Variants in SLC4A4 observed in about 807,000 individuals in gnomAD.
The protein encoded by SLC4A4 is electrogenic sodium bicarbonate cotransporter 1.
SLC4A4 carries 27 observed loss-of-function variants against 111.5 expected under a neutral mutation model. The observed-to-expected ratio is 0.24, with a 90% CI of 0.18 to 0.33. SLC4A4 has a LOEUF of 0.33. Among genes scored for constraint, SLC4A4 ranks in the 10% least tolerant of loss-of-function variants. SLC4A4 has a pLI of 1.00. For synonymous variants in SLC4A4, 443 were observed against 463.4 expected, an observed-to-expected ratio of 0.96 and a Z score of 0.57; for missense variants, 909 against 1,315.5, an observed-to-expected ratio of 0.69 and a Z score of 4.78.
intron 2 of SLC4A4, among the ~76,000 whole-genome samples, chr4:71,121,706 A>G (rs1196077480): frequency 6.6e-6 from 1 of 152,238 alleles, no homozygotes; most frequent in Non-Finnish European, 1.5e-5. Flanking sequence ...TGGACCAATC[A>G]GCAAGATGTG....
At chr4:71,437,590 G>C in intron 7 of SLC4A4, 1 of 522,026 alleles carries the variant, frequency 1.9e-6, no homozygotes, top group Non-Finnish European at 3.9e-6. Context: ...TTGAAGATCC[G>C]TTGTCTCACC....
intron 14 of SLC4A4, among the ~76,000 whole-genome samples, chr4:71,481,536 C>A (rs1482082696): frequency 6.6e-6 from 1 of 151,718 alleles, no homozygotes; most frequent in African/African-American, 2.4e-5. Context: ...ATACTTGATC[C>A]ACTTGTTCTT....
chr4:71,499,791 A>G (rs1038110072), intron 16 of SLC4A4, among the ~76,000 whole-genome samples: 1 of 152,138 alleles, frequency 6.6e-6, no homozygotes, highest in African/African-American at 2.4e-5. Flanking sequence ...ATAGTATTCC[A>G]CTGTTTATAT....
intron 17 of SLC4A4, 49 bp from the exon 18 acceptor site, chr4:71,534,178 A>G (rs772369846): frequency 1.3e-6 from 2 of 1,561,956 alleles, no homozygotes; most frequent in Non-Finnish European, 1.8e-6. Flanking sequence ...ACCAAATAGT[A>G]TATATTAACC....
intron 2 of SLC4A4, among the ~76,000 whole-genome samples, chr4:71,098,071 C>T (rs1209936752): frequency 6.6e-6 from 1 of 152,058 alleles, no homozygotes; most frequent in Non-Finnish European, 1.5e-5. Context: ...GTGATGGCTT[C>T]TGGCATCTTT....
chr4:71,162,051 C>T (rs1253875663), intron 2 of SLC4A4, among the ~76,000 whole-genome samples: 3 of 152,152 alleles, frequency 2.0e-5, no homozygotes, highest in African/African-American at 7.2e-5. Context: ...TCATGCCAAG[C>T]AGTGGCCTTA....
intron 3 of SLC4A4, among the ~76,000 whole-genome samples, chr4:71,303,579 A>G (rs948029602): frequency 2.0e-5 from 3 of 152,188 alleles, no homozygotes; most frequent in Non-Finnish European, 4.4e-5. Flanking sequence ...TGTTAGGATG[A>G]GCAGAAAGAA....
chr4:71,308,712 C>T (rs997770700), intron 3 of SLC4A4, among the ~76,000 whole-genome samples: 8 of 152,126 alleles, frequency 5.3e-5, no homozygotes, highest in Non-Finnish European at 7.4e-5. Flanking sequence ...TTTTGCAATC[C>T]GCAGACCAGG....
chr4:71,456,693 G>C (rs1056840999), intron 12 of SLC4A4, among the ~76,000 whole-genome samples: 1 of 152,136 alleles, frequency 6.6e-6, no homozygotes, highest in Admixed American at 6.6e-5. Context: ...AAAGATAGAT[G>C]AGCAAAATAG....
At chr4:71,503,940 A>C (rs533157217) in intron 16 of SLC4A4, among the ~76,000 whole-genome samples, 2 of 152,266 alleles carry the variant, frequency 1.3e-5, no homozygotes, top group East Asian at 3.9e-4. Flanking sequence ...GGTATTGGCT[A>C]ACAGTTGGTT....
At chr4:71,092,955 C>A (rs997677773) in intron 2 of SLC4A4, among the ~76,000 whole-genome samples, 17 of 151,804 alleles carry the variant, frequency 1.1e-4, no homozygotes, top group Non-Finnish European at 2.2e-4. Context: ...ATTAGCTGGG[C>A]GTGGTGGCGT....
intron 3 of SLC4A4, among the ~76,000 whole-genome samples, chr4:71,278,013 A>G (rs781092015): frequency 1.3e-5 from 2 of 152,200 alleles, no homozygotes; most frequent in Non-Finnish European, 2.9e-5. Flanking sequence ...ATTGTTAACT[A>G]TAGTCACCAT....
chr4:71,308,624 G>C (rs900512285), intron 3 of SLC4A4, among the ~76,000 whole-genome samples: 36 of 151,832 alleles, frequency 2.4e-4, no homozygotes, highest in Admixed American at 2.4e-3. Flanking sequence ...GCAAGGGGCC[G>C]GGGGACTCCC....
rs187465669 is a variant in SLC4A4 at position 71,466,717 on chromosome 4, G to C, written c.1631+140G>C. ...GAATGTTCAGATGTGAGAGGTGAAA[G>C]GGCCTTAGCAATTAGGTAGTCACCA... On this transcript the variant is annotated intron_variant, in intron 13 of 25. Coordinates refer to ENST00000264485, the MANE Select transcript of SLC4A4 (RefSeq NM_001098484.3). 3,295 of 865,110 alleles carry C rather than the reference G, an allele frequency of 3.8e-3. 12 individuals are homozygous for C. Among genetic ancestry groups the C allele is most frequent in the Non-Finnish European group, 4.5e-3 (2,462 of 550,402 alleles). The allele number at this position is 865,110 out of a possible 1,614,324, so 53.6% of individuals were successfully genotyped here. A position where few individuals can be genotyped will look rare whatever the true frequency, so the allele number is the denominator to read the frequency against.
Position 71,357,970 on chromosome 4 carries a change from G to A in SLC4A4, c.730+783G>A, listed in dbSNP as rs549206789. Among the ~76,000 whole-genome samples the A allele has an allele frequency of 5.3e-5, 8 of 152,204 alleles. 1 individual carries two copies. In the East Asian group the frequency reaches 1.2e-3, roughly 22 times the overall value. ...TGAAGGAAAGAACTACTAAGCATTG[G>A]CTGATAGGATTAGGTCTATCCTCCC... is the stretch of plus-strand genomic sequence containing the variant. On this transcript the variant is annotated intron_variant, in intron 6 of 25. Transcript: ENST00000264485.
At position 71,116,243 on chromosome 4, in the gene SLC4A4, T is replaced by A. The variant is rs1578494834; in HGVS notation, c.-2+23451T>A. Among the ~76,000 whole-genome samples the A allele has an allele frequency of 4.6e-5, 7 of 152,332 alleles. No individual in the cohort carries two copies. In the South Asian group the frequency reaches 1.4e-3, roughly 32 times the overall value. On this transcript the variant is annotated intron_variant, in intron 2 of 26. Transcript: ENST00000649996. ...AACCAAACAATCCCAGTATTTGGTA[T>A]CTTGATTAACTCATGTATATTTAGG...
chr4:71,251,753 C>G (rs977244426), intron 2 of SLC4A4, among the ~76,000 whole-genome samples: 17 of 152,158 alleles, frequency 1.1e-4, no homozygotes, highest in Non-Finnish European at 1.5e-5. Context: ...TCACTTCTTC[C>G]TCATACATTA....
intron 7 of SLC4A4, among the ~76,000 whole-genome samples, chr4:71,418,768 T>A (rs994743800): frequency 1.3e-5 from 2 of 152,218 alleles, no homozygotes; most frequent in Non-Finnish European, 2.9e-5. Context: ...AATATCCTTA[T>A]TTAACAGAAA....
intron 2 of SLC4A4, among the ~76,000 whole-genome samples, chr4:71,112,074 T>C (rs775239848): frequency 3.9e-5 from 6 of 152,238 alleles, no homozygotes; most frequent in Non-Finnish European, 8.8e-5. Flanking sequence ...GCTACAACCA[T>C]CTGAGTTTAC....
Sources: gnomAD v4.1 joint callset for allele counts (sites outside exome capture counted in the v4.1 genomes callset) on GRCh38, gnomAD v4.1.1 for gene constraint, MANE v1.5 for transcripts, NCBI Gene and HGNC (gene_info 2026-07-23, HGNC 2026-07-21) for gene names.